MIDEAS: variants seen among roughly 807,000 people sequenced by gnomAD.
The protein encoded by MIDEAS is mitotic deacetylase associated SANT domain protein, also known as mitotic deacetylase-associated SANT domain protein.
In MIDEAS, 26 loss-of-function variants were observed where a neutral mutation model predicts 102.7. The ratio of observed to expected loss-of-function variants is 0.25; its 90% CI spans 0.19 to 0.35. The LOEUF (loss-of-function observed/expected upper bound fraction) is 0.35, where lower values mean the gene tolerates loss of function less well. Ranked by LOEUF, MIDEAS falls within the 10% of genes least tolerant of loss-of-function variation. The pLI, the probability that MIDEAS is intolerant of heterozygous loss-of-function variation, is 1.00. For synonymous variants in MIDEAS, 585 were observed against 591.0 expected, an observed-to-expected ratio of 0.99 and a Z score of 0.15; for missense variants, 1,231 against 1,435.6, an observed-to-expected ratio of 0.86 and a Z score of 2.30.
upstream of MIDEAS, among the ~76,000 whole-genome samples, chr14:73,764,262 C>T (rs1275672555): frequency 2.0e-5 from 3 of 150,102 alleles, no homozygotes; most frequent in Admixed American, 1.3e-4. Flanking sequence ...ATTGCTTGAA[C>T]CCAGGTGATG....
chr14:73,732,080 T>TA (rs1160983664), intron 3 of MIDEAS, among the ~76,000 whole-genome samples: 2 of 152,176 alleles, frequency 1.3e-5, no homozygotes, highest in Non-Finnish European at 2.9e-5. Flanking sequence ...ATCTATAAAA[T>TA]AGAGGCATTG....
intron 1 of MIDEAS, among the ~76,000 whole-genome samples, chr14:73,770,346 G>GTGATGA (rs756368004): frequency 6.9e-6 from 1 of 144,708 alleles, no homozygotes; most frequent in South Asian, 2.3e-4. Flanking sequence ...AGTAACGACG[G>GTGATGA]TGATGATGAT....
chr14:73,734,806 T>C (rs1456669569), intron 3 of MIDEAS, among the ~76,000 whole-genome samples: 1 of 152,174 alleles, frequency 6.6e-6, no homozygotes, highest in Non-Finnish European at 1.5e-5. Context: ...TCAAATCCCT[T>C]TCTGTAGGGC....
At chr14:73,719,173 G>A (rs1053930558) in intron 12 of MIDEAS, 132 bp downstream of exon 12, 2 of 1,486,858 alleles carry the variant, frequency 1.3e-6, no homozygotes, top group African/African-American at 2.8e-5. Context: ...CACAGCCCTA[G>A]AAACCCGCTG....
chr14:73,753,640 T>A lies in MIDEAS; in HGVS notation c.-248+6123A>T. On this transcript the variant is annotated intron_variant, in intron 1 of 12. Transcript: ENST00000423556. Reference sequence around the variant, plus strand: ...TCAGTCTTTAACACCTTGGAGGAAATGAATAGTCCAACTCTTCCAGTTCCA... The same window carrying A: ...TCAGTCTTTAACACCTTGGAGGAAAAGAATAGTCCAACTCTTCCAGTTCCA... Among the ~76,000 whole-genome samples the A allele has an allele frequency of 2.6e-5, 4 of 152,192 alleles. No individual in the cohort carries two copies. The South Asian group carries it at 8.3e-4, about 32-fold the overall frequency.
upstream of MIDEAS, among the ~76,000 whole-genome samples, chr14:73,761,519 T>C (rs2053554354): frequency 1.3e-5 from 2 of 152,180 alleles, no homozygotes; most frequent in Admixed American, 1.3e-4. Flanking sequence ...ATGATAGATA[T>C]GTCAAAATAA....
chr14:73,719,269 C>G, intron 12 of MIDEAS, 36 bp downstream of exon 12: 2 of 1,600,256 alleles, frequency 1.2e-6, no homozygotes, highest in Non-Finnish European at 1.7e-6. Context: ...CACCAGCCCG[C>G]GGGGGTCCCA....
chr14:73,760,464 C>G (rs2140157374), upstream of MIDEAS, among the ~76,000 whole-genome samples: 1 of 152,380 alleles, frequency 6.6e-6, no homozygotes, highest in East Asian at 1.9e-4. This position sits in a 1 kb window ranked among gnomAD's most constrained non-coding sequence, Gnocchi z 4.8. Flanking sequence ...TCCCCATCCC[C>G]CGCCCAGGCT....
chr14:73,756,291 T>TGCGCGC (rs769614163), intron 1 of MIDEAS, among the ~76,000 whole-genome samples: 15 of 75,734 alleles, frequency 2.0e-4, no homozygotes, highest in African/African-American at 5.6e-4. Context: ...TGTGTGTGTG[T>TGCGCGC]GTGTGCGCGC....
At chr14:73,764,638 G>A (rs111241185), upstream of MIDEAS, among the ~76,000 whole-genome samples, 93 of 152,284 alleles carry the variant, frequency 6.1e-4, no homozygotes, top group Middle Eastern at 3.4e-3. Context: ...TGAGCAAACC[G>A]CGAGCTCACA....
chr14:73,788,311 C>T (rs923410258), upstream of MIDEAS, among the ~76,000 whole-genome samples: 1 of 152,212 alleles, frequency 6.6e-6, no homozygotes, highest in Non-Finnish European at 1.5e-5. Context: ...TCCCCAAATA[C>T]TGCTTCTCCT....
At chr14:73,778,595 G>T (rs1270486677) in intron 1 of MIDEAS, among the ~76,000 whole-genome samples, 1 of 151,930 alleles carries the variant, frequency 6.6e-6, no homozygotes, top group Non-Finnish European at 1.5e-5. Flanking sequence ...GTGCTATGGG[G>T]AGGCCACAGA....
intron 1 of MIDEAS, among the ~76,000 whole-genome samples, chr14:73,741,083 G>A (rs1483543500): frequency 6.6e-6 from 1 of 152,216 alleles, no homozygotes; most frequent in African/African-American, 2.4e-5. Flanking sequence ...GTCAGCAGCT[G>A]ACCCCGCCCC....
rs1016683803 is a variant in MIDEAS, at chr14:73,722,621, G to A, written c.2724+77C>T. ...CCCTCTGCAGGCTCCTGGAGAGCTCGGGCTCGGGCTCCCAGCTCAGGCCTG... is the reference window on the plus strand; with the variant it reads ...CCCTCTGCAGGCTCCTGGAGAGCTCAGGCTCGGGCTCCCAGCTCAGGCCTG... On this transcript the variant is annotated intron_variant, in intron 10 of 12. Transcript: ENST00000423556. 1.7e-5 allele frequency: 26 copies of A among 1,551,804 alleles called. No homozygotes were observed. The Middle Eastern group carries it at 7.6e-4, about 45-fold the overall frequency.
chr14:73,772,878 C>T (rs7159233), intron 1 of MIDEAS, among the ~76,000 whole-genome samples: 50,450 of 150,376 alleles, frequency 0.34, 9,992 homozygotes, highest in East Asian at 0.67. Context: ...CTCGCTCTGT[C>T]GCCCAGGCTG....
At chr14:73,754,931 C>G (rs1224030687) in intron 1 of MIDEAS, 2 of 152,200 alleles carry the variant, frequency 1.3e-5, no homozygotes, top group Non-Finnish European at 2.9e-5. Context: ...GATTCCAATT[C>G]CCCAGAGAAG....
chr14:73,785,203 C>T (rs904024489), intron 1 of MIDEAS, among the ~76,000 whole-genome samples: 5 of 152,212 alleles, frequency 3.3e-5, no homozygotes, highest in African/African-American at 1.2e-4. Flanking sequence ...AAAACGATGG[C>T]CCTGCACAAA....
intron 3 of MIDEAS, among the ~76,000 whole-genome samples, chr14:73,731,131 G>C (rs1322652943): frequency 1.3e-5 from 2 of 152,218 alleles, no homozygotes; most frequent in Admixed American, 6.5e-5. Context: ...ATCTAGAATA[G>C]AAAGCAGGAC....
At chr14:73,720,100 A>G (rs1377329990) in intron 11 of MIDEAS, among the ~76,000 whole-genome samples, 1 of 152,056 alleles carries the variant, frequency 6.6e-6, no homozygotes, top group Admixed American at 6.6e-5. Context: ...AAAGTTCACA[A>G]AAGTCAACAG....
Sources: allele counts gnomAD v4.1 joint callset (sites outside exome capture counted in the v4.1 genomes callset), GRCh38; gene constraint gnomAD v4.1.1; non-coding constraint Gnocchi (gnomAD v3.1); transcripts MANE v1.5; gene names NCBI Gene and HGNC (gene_info 2026-07-23, HGNC 2026-07-21).